Variants in LRRC7 observed in about 807,000 individuals in gnomAD.
The protein encoded by LRRC7 is leucine rich repeat containing 7.
In LRRC7, 23 loss-of-function variants were observed where a neutral mutation model predicts 175.7. The observed-to-expected ratio is 0.13, with a 90% confidence interval of 0.09 to 0.19. LRRC7 has a LOEUF of 0.19. LRRC7 is among the 10% of genes least tolerant of loss of function. The probability of loss-of-function intolerance (pLI) is 1.00; values close to 1 mark genes in which losing one functional copy is unlikely to be tolerated. For synonymous variants in LRRC7, 685 were observed against 680.9 expected (o/e 1.01, Z -0.09); for missense variants, 1,354 against 1,904.7 (o/e 0.71, Z 5.38).
rs1461000570 is a variant in LRRC7 at position 70,133,472 on chromosome 1, C to T, written c.*11585C>T. Among the ~76,000 whole-genome samples, 2 of 152,152 alleles carry T rather than the reference C, an allele frequency of 1.3e-5. No individual in the cohort carries two copies. The highest frequency in any genetic ancestry group is 1.9e-4 in the East Asian group (1 of 5,194). On this transcript the variant is annotated 3_prime_UTR_variant, in exon 27 of 27. Coordinates refer to ENST00000651989, the MANE Select transcript of LRRC7 (RefSeq NM_001370785.2). ...CTGGGCTCTATCGATCCGACCGCCT[C>T]GGCCTCCCAAAGTGCTGGGATGGCC...
intron 1 of LRRC7, among the ~76,000 whole-genome samples, chr1:69,672,222 TC>T (rs1431380027): frequency 2.0e-5 from 3 of 151,998 alleles, no homozygotes; most frequent in African/African-American, 7.2e-5. Context: ...TATTTGGCCA[TC>T]TTCCTCTGCC....
chr1:70,094,701 G>T (rs946696188), intron 25 of LRRC7, among the ~76,000 whole-genome samples: 7 of 152,100 alleles, frequency 4.6e-5, no homozygotes, highest in African/African-American at 1.4e-4. Context: ...CCTTAGACAT[G>T]CAGAATTGAA....
intron 2 of LRRC7, among the ~76,000 whole-genome samples, chr1:69,708,939 A>C (rs1236206497): frequency 1.3e-5 from 2 of 152,200 alleles, no homozygotes; most frequent in Non-Finnish European, 2.9e-5. Flanking sequence ...AGCCAAACCC[A>C]ACCAACATCA....
At chr1:69,847,972 C>T (rs572420672) in intron 7 of LRRC7, among the ~76,000 whole-genome samples, 16 of 152,090 alleles carry the variant, frequency 1.1e-4, no homozygotes, top group Non-Finnish European at 2.2e-4. Flanking sequence ...CACAATCTCA[C>T]GAGGTTTCTG....
intron 7 of LRRC7, among the ~76,000 whole-genome samples, chr1:69,881,950 A>G (rs1178754903): frequency 3.3e-5 from 5 of 151,140 alleles, no homozygotes. Flanking sequence ...TTTGCAAACT[A>G]TATATCTAAT....
At chr1:70,043,148 T>C (rs920386549) in intron 21 of LRRC7, among the ~76,000 whole-genome samples, 1 of 152,112 alleles carries the variant, frequency 6.6e-6, no homozygotes, top group African/African-American at 2.4e-5. Flanking sequence ...AATAAAGTTT[T>C]ATAGGAAAAA....
intron 1 of LRRC7, among the ~76,000 whole-genome samples, chr1:69,574,130 G>A (rs959713775): frequency 4.6e-5 from 7 of 151,988 alleles, no homozygotes; most frequent in African/African-American, 1.7e-4. Context: ...GTCAGATGAG[G>A]GAGATATTTA....
At chr1:69,661,357 T>TC (rs759400219) in intron 1 of LRRC7, among the ~76,000 whole-genome samples, 14 of 152,310 alleles carry the variant, frequency 9.2e-5, no homozygotes, top group Middle Eastern at 3.4e-3. Context: ...TTCCATTTTC[T>TC]CATCTCAGTA....
chr1:69,944,702 G>A (rs1369634706), intron 8 of LRRC7, among the ~76,000 whole-genome samples: 7 of 150,992 alleles, frequency 4.6e-5, no homozygotes, highest in Non-Finnish European at 8.9e-5. Context: ...GATAATGTTC[G>A]TTATAACAAC....
chr1:70,114,515 C>T (rs896150762), intron 26 of LRRC7, among the ~76,000 whole-genome samples: 6 of 152,146 alleles, frequency 3.9e-5, no homozygotes, highest in African/African-American at 7.2e-5. Flanking sequence ...TAGCAGACCC[C>T]GTCTCTACGA....
intron 13 of LRRC7, among the ~76,000 whole-genome samples, chr1:70,014,579 G>C (rs1656810158): frequency 1.3e-5 from 2 of 151,982 alleles, no homozygotes; most frequent in Admixed American, 1.3e-4. Context: ...AGTAAATCAA[G>C]CAGAGGTAAA....
intron 24 of LRRC7, 93 bp downstream of exon 24, chr1:70,076,391 C>A: frequency 9.3e-7 from 1 of 1,079,832 alleles, no homozygotes; most frequent in Non-Finnish European, 1.4e-6. Flanking sequence ...TGGTCCAGGA[C>A]ACAATGCCAT....
chr1:69,925,143 A>G (rs1647023798), intron 7 of LRRC7, among the ~76,000 whole-genome samples: 1 of 152,126 alleles, frequency 6.6e-6, no homozygotes, highest in South Asian at 2.1e-4. Flanking sequence ...GGTCCCAGGG[A>G]TGAAGCCCAC....
chr1:69,575,964 G>T (rs1043276980), intron 1 of LRRC7, among the ~76,000 whole-genome samples: 1 of 152,112 alleles, frequency 6.6e-6, no homozygotes, highest in Non-Finnish European at 1.5e-5. Context: ...TACATTTTGG[G>T]CTGGGTGACT....
At chr1:69,986,969 C>T (rs533817937) in intron 10 of LRRC7, among the ~76,000 whole-genome samples, 8 of 152,246 alleles carry the variant, frequency 5.3e-5, no homozygotes, top group Middle Eastern at 3.4e-3. Context: ...ATGGGCCAGG[C>T]GCAGTGGCTC....
At position 69,792,051 on chromosome 1, in the gene LRRC7, C is replaced by T. The variant is rs768902693; in HGVS notation, c.312C>T (p.Phe104=). 26 of 1,589,172 alleles carry T rather than the reference C, an allele frequency of 1.6e-5. No homozygotes were observed. The highest frequency in any genetic ancestry group is 2.0e-5 in the Non-Finnish European group (23 of 1,161,198). ...NQIEELPKQL[F]NCQALRKLSI... The stretch of plus-strand genomic sequence containing the variant: ...ATTATTTTCTATTACAGCAATTGTT[C>T]AACTGTCAAGCTCTACGAAAACTAA... The change falls in exon 4 of 27, where the codon TTC becomes TTT. Residue 104 remains phenylalanine, a synonymous_variant. Transcript: ENST00000651989.
At chr1:69,792,206 A>G in intron 4 of LRRC7, 46 bp downstream of exon 4, 1 of 1,081,268 alleles carries the variant, frequency 9.2e-7, no homozygotes. Context: ...TTTTTAACTG[A>G]AAATGTGCTT....
At chr1:69,868,136 T>C (rs528169756) in intron 7 of LRRC7, among the ~76,000 whole-genome samples, 1 of 152,236 alleles carries the variant, frequency 6.6e-6, no homozygotes, top group South Asian at 2.1e-4. Flanking sequence ...CATGGTGGAC[T>C]ATATTATGAA....
chr1:69,786,285 G>T (rs953972591), intron 3 of LRRC7, among the ~76,000 whole-genome samples: 1 of 152,012 alleles, frequency 6.6e-6, no homozygotes, highest in East Asian at 1.9e-4. Flanking sequence ...ACACAAGAGA[G>T]CTCAGTCTTG....
Sources: allele counts gnomAD v4.1 joint callset (sites outside exome capture counted in the v4.1 genomes callset), GRCh38; gene constraint gnomAD v4.1.1; transcripts MANE v1.5; gene names NCBI Gene and HGNC (gene_info 2026-07-23, HGNC 2026-07-21).